Variants in SHISA9 observed in about 807,000 individuals in gnomAD.
SHISA9 encodes shisa family member 9.
In SHISA9, 13 loss-of-function variants were observed where a neutral mutation model predicts 38.0. That is an observed-to-expected ratio of 0.34 (90% CI 0.22 to 0.54). The LOEUF is 0.54. SHISA9 is among the 20% of genes least tolerant of loss of function. The pLI is 0.91. For synonymous variants in SHISA9, 275 were observed against 242.0 expected, an observed-to-expected ratio of 1.14 and a Z score of -1.27; for missense variants, 538 against 575.8, an observed-to-expected ratio of 0.93 and a Z score of 0.67.
At chr16:13,035,376 T>C (rs2141881567) in intron 2 of SHISA9, among the ~76,000 whole-genome samples, 1 of 152,320 alleles carries the variant, frequency 6.6e-6, no homozygotes, top group African/African-American at 2.4e-5. Flanking sequence ...TTTTTCACTC[T>C]ATCAATCTTC....
the SHISA9 span, among the ~76,000 whole-genome samples, chr16:13,486,690 C>T: frequency 6.6e-6 from 1 of 152,024 alleles, no homozygotes; most frequent in Non-Finnish European, 1.5e-5. Context: ...CAATAATCCT[C>T]TCTATACCTT....
At chr16:13,350,993 C>T in the SHISA9 span, among the ~76,000 whole-genome samples, 20,144 of 152,156 alleles carry the variant, frequency 0.13, 1,534 homozygotes, top group Non-Finnish European at 0.18. Flanking sequence ...TTTTCCCGAA[C>T]AGTAAATATG....
At chr16:13,008,054 G>T (rs1351462332) in intron 2 of SHISA9, among the ~76,000 whole-genome samples, 3 of 152,194 alleles carry the variant, frequency 2.0e-5, no homozygotes, top group African/African-American at 7.2e-5. Flanking sequence ...ATAAGAGCTT[G>T]TTTGGGATAT....
intron 2 of SHISA9, among the ~76,000 whole-genome samples, chr16:13,092,399 C>T (rs61601842): frequency 0.029 from 4,484 of 152,300 alleles, 234 homozygotes; most frequent in African/African-American, 0.1. Context: ...TTGTCTGCTG[C>T]CTTTTGTTCA....
At chr16:13,008,632 CTCCT>C (rs2072628210) in intron 2 of SHISA9, among the ~76,000 whole-genome samples, 2 of 112,100 alleles carry the variant, frequency 1.8e-5, no homozygotes, top group South Asian at 3.2e-4. Flanking sequence ...CTCTCCCTCT[CTCCT>C]CCCTCCCTCC....
intron 2 of SHISA9, among the ~76,000 whole-genome samples, chr16:13,178,559 G>A (rs1350042488): frequency 1.3e-5 from 2 of 152,008 alleles, no homozygotes; most frequent in Admixed American, 6.6e-5. Flanking sequence ...TAACCATTTG[G>A]CTATTTGGCA....
At chr16:13,285,003 C>A in the SHISA9 span, among the ~76,000 whole-genome samples, 1 of 152,210 alleles carries the variant, frequency 6.6e-6, no homozygotes. Context: ...TTTTTTTTCA[C>A]TAGTTATAAC....
intron 1 of SHISA9, among the ~76,000 whole-genome samples, chr16:12,907,058 T>C (rs1382713455): frequency 1.8e-5 from 2 of 109,544 alleles, no homozygotes; most frequent in Non-Finnish European, 1.9e-5. Context: ...CCTTCCCTCC[T>C]TCCCTCCCTC....
At chr16:13,541,125 C>G in the SHISA9 span, among the ~76,000 whole-genome samples, 2 of 152,198 alleles carry the variant, frequency 1.3e-5, no homozygotes, top group African/African-American at 4.8e-5. Context: ...GTGTTTCCCC[C>G]TCCTGGCTGG....
At chr16:12,950,080 A>G (rs566016287) in intron 2 of SHISA9, among the ~76,000 whole-genome samples, 5 of 152,314 alleles carry the variant, frequency 3.3e-5, no homozygotes, top group African/African-American at 9.6e-5. Flanking sequence ...CCTTGAGATA[A>G]ACTTTTTTCG....
At chr16:13,023,560 G>A (rs988940513) in intron 2 of SHISA9, among the ~76,000 whole-genome samples, 7 of 152,130 alleles carry the variant, frequency 4.6e-5, no homozygotes, top group African/African-American at 1.7e-4. Flanking sequence ...GGGTCAAATG[G>A]TATTTCTAGT....
chr16:13,459,574 C>T, the SHISA9 span, among the ~76,000 whole-genome samples: 2 of 152,124 alleles, frequency 1.3e-5, no homozygotes, highest in Non-Finnish European at 2.9e-5. Flanking sequence ...TTATTGGGCA[C>T]TCTAGGACCC....
the SHISA9 span, among the ~76,000 whole-genome samples, chr16:13,433,420 G>A: frequency 6.6e-6 from 1 of 152,224 alleles, no homozygotes; most frequent in Non-Finnish European, 1.5e-5. Flanking sequence ...TTAGTGCTGT[G>A]TGTGTTAGTT....
At chr16:13,379,121 A>T in the SHISA9 span, among the ~76,000 whole-genome samples, 1 of 152,106 alleles carries the variant, frequency 6.6e-6, no homozygotes, top group Non-Finnish European at 1.5e-5. Context: ...CCCACTTCCC[A>T]GCTGGAAAGC....
chr16:13,477,498 G>T, the SHISA9 span, among the ~76,000 whole-genome samples: 2 of 152,194 alleles, frequency 1.3e-5, no homozygotes, highest in Non-Finnish European at 2.9e-5. Context: ...GGACCATAAA[G>T]TGAAAAAGGT....
chr16:13,022,745 G>T (rs2072873514), intron 2 of SHISA9, among the ~76,000 whole-genome samples: 1 of 152,142 alleles, frequency 6.6e-6, no homozygotes, highest in East Asian at 1.9e-4. Context: ...GGGCCTACAG[G>T]TGCACACCAC....
At chr16:13,452,150 G>A in the SHISA9 span, among the ~76,000 whole-genome samples, 1 of 152,206 alleles carries the variant, frequency 6.6e-6, no homozygotes, top group Non-Finnish European at 1.5e-5. Context: ...TTCCTTCAAT[G>A]AATGGGCTGG....
At chr16:13,009,427 G>A (rs1029189670) in intron 2 of SHISA9, among the ~76,000 whole-genome samples, 1 of 152,084 alleles carries the variant, frequency 6.6e-6, no homozygotes, top group African/African-American at 2.4e-5. Context: ...AACCTCGGAG[G>A]CTTCTTGATT....
chr16:13,136,559 C>T lies in SHISA9; in HGVS notation c.692-66835C>T, dbSNP rs548994769. ...GATTACAGGTGCCCATCACCACTCCCGGCTGATTTTTTGTGTTTTTAGTAG... is the reference window on the plus strand; with the variant it reads ...GATTACAGGTGCCCATCACCACTCCTGGCTGATTTTTTGTGTTTTTAGTAG... On this transcript the variant is annotated intron_variant, in intron 2 of 4. Transcript: ENST00000558583. 7.2e-5 allele frequency among the ~76,000 whole-genome samples: 11 copies of T among 151,960 alleles called. No individual in the cohort carries two copies. In the East Asian group the frequency reaches 7.8e-4, roughly 11 times the overall value.
Sources: allele counts gnomAD v4.1 joint callset (sites outside exome capture counted in the v4.1 genomes callset), GRCh38; gene constraint gnomAD v4.1.1; transcripts MANE v1.5; gene names NCBI Gene and HGNC (gene_info 2026-07-23, HGNC 2026-07-21).